The following NLGN4X variants were observed in gnomAD, a reference collection of about 807,000 sequenced individuals.
The protein encoded by NLGN4X is neuroligin 4 X-linked.
In NLGN4X, 3 loss-of-function variants were observed where a neutral mutation model predicts 40.3. The ratio of observed to expected loss-of-function variants is 0.07; its 90% CI spans 0.03 to 0.19. The LOEUF is 0.19. Among genes scored for constraint, NLGN4X ranks in the 10% least tolerant of loss-of-function variants. The pLI is 1.00. For missense variants in NLGN4X, 382 were observed against 708.3 expected (o/e 0.54, Z 5.23); for synonymous variants, 270 against 306.8 (o/e 0.88, Z 1.25).
chrX:5,948,673 G>A (rs2034211443), intron 3 of NLGN4X, among the ~76,000 whole-genome samples: 1 of 111,906 alleles, frequency 8.9e-6, no homozygotes, highest in Non-Finnish European at 1.9e-5. Flanking sequence ...CCAACACCAT[G>A]TACTTTAGGT....
chrX:6,072,756 C>A (rs1224196992), intron 2 of NLGN4X, among the ~76,000 whole-genome samples: 2 of 111,282 alleles, frequency 1.8e-5, no homozygotes, highest in Non-Finnish European at 3.8e-5. Context: ...CCTTGATGAA[C>A]ATTAATGCCT....
intron 5 of NLGN4X, among the ~76,000 whole-genome samples, chrX:5,896,465 GT>G (rs2031498895): frequency 8.9e-6 from 1 of 111,815 alleles, no homozygotes; most frequent in Admixed American, 9.5e-5. Flanking sequence ...CCTAAGAAGT[GT>G]TTAAACTCCT....
At chrX:5,990,997 T>TTTA (rs375887376) in intron 3 of NLGN4X, among the ~76,000 whole-genome samples, 7,824 of 111,460 alleles carry the variant, frequency 0.07, 691 homozygotes, top group African/African-American at 0.24. Context: ...ATGCACACCT[T>TTTA]TTATTTTGAA....
chrX:6,023,635 A>G (rs1479299668), intron 3 of NLGN4X, among the ~76,000 whole-genome samples: 1 of 112,012 alleles, frequency 8.9e-6, no homozygotes, highest in Non-Finnish European at 1.9e-5. Context: ...GGTAGGACAT[A>G]AGGTTAACTC....
intron 1 of NLGN4X, among the ~76,000 whole-genome samples, chrX:6,212,049 C>T (rs1924653450): frequency 9.1e-6 from 1 of 110,443 alleles, no homozygotes; most frequent in Non-Finnish European, 1.9e-5. Flanking sequence ...AGTTCGAGAC[C>T]AGCCTGGCTA....
intron 3 of NLGN4X, among the ~76,000 whole-genome samples, chrX:5,951,216 A>G (rs2034298998): frequency 8.9e-6 from 1 of 112,111 alleles, no homozygotes; most frequent in Non-Finnish European, 1.9e-5. Context: ...TCCATAAAAT[A>G]AGAACTTTCT....
chrX:5,994,221 T>G (rs1268891927), intron 3 of NLGN4X, among the ~76,000 whole-genome samples: 1 of 112,140 alleles, frequency 8.9e-6, no homozygotes, highest in Non-Finnish European at 1.9e-5. Context: ...CTATGCTTTA[T>G]GCACGTTAGT....
intron 2 of NLGN4X, among the ~76,000 whole-genome samples, chrX:6,134,293 C>T (rs181432819): frequency 8.9e-6 from 1 of 111,899 alleles, no homozygotes; most frequent in Non-Finnish European, 1.9e-5. Flanking sequence ...CTAAGAGAAT[C>T]GATATTAATG....
chrX:6,083,560 G>A (rs1434283525), intron 2 of NLGN4X, among the ~76,000 whole-genome samples: 1 of 112,149 alleles, frequency 8.9e-6, no homozygotes, highest in Non-Finnish European at 1.9e-5. Context: ...AGGCAGAAGA[G>A]TAATGGACTG....
At chrX:5,922,200 G>A (rs1365452568) in intron 3 of NLGN4X, among the ~76,000 whole-genome samples, 3 of 111,146 alleles carry the variant, frequency 2.7e-5, no homozygotes, top group Non-Finnish European at 5.7e-5. Context: ...TGTTCCTTTT[G>A]CTTTGTGTGT....
At position 6,106,905 on chromosome X, in the gene NLGN4X, T is replaced by C. The variant is rs867560502; in HGVS notation, c.472+44090A>G. Among the ~76,000 whole-genome samples the C allele has an allele frequency of 1.6e-4, 18 of 112,454 alleles. No individual in the cohort carries two copies. The Middle Eastern group carries it at 0.014, about 86-fold the overall frequency. On this transcript the variant is annotated intron_variant, in intron 2 of 5. Coordinates refer to ENST00000381095, the MANE Select transcript of NLGN4X (RefSeq NM_181332.3). ...CCCTACAAGTGGAAGGCTAGAATGA[T>C]AGGACAAAGAACTGCCTGTGCCTCT...
intron 2 of NLGN4X, among the ~76,000 whole-genome samples, chrX:6,080,987 TA>T (rs574216935): frequency 4.8e-4 from 49 of 103,020 alleles, no homozygotes; most frequent in Admixed American, 1.6e-3. Flanking sequence ...GCACACTAAT[TA>T]AAAAAAAAAA....
chrX:5,988,087 G>T (rs141712522), intron 3 of NLGN4X, among the ~76,000 whole-genome samples: 1 of 111,495 alleles, frequency 9.0e-6, no homozygotes, highest in Non-Finnish European at 1.9e-5. Context: ...TTTTTAAAAA[G>T]GAGGGGTACT....
intron 3 of NLGN4X, among the ~76,000 whole-genome samples, chrX:6,010,675 T>C (rs1451666367): frequency 1.8e-5 from 2 of 109,142 alleles, no homozygotes; most frequent in African/African-American, 6.7e-5. Context: ...ATTACATGTT[T>C]GTGAGACCAT....
rs2035375054 is a variant in NLGN4X, at chrX:5,981,119, G to C, written c.625+48161C>G. 1.8e-5 allele frequency among the ~76,000 whole-genome samples: 2 copies of C among 110,677 alleles called. 1 individual carries two copies. The highest frequency in any genetic ancestry group is 7.8e-4 in the South Asian group (2 of 2,565). On this transcript the variant is annotated intron_variant, in intron 3 of 5. Coordinates refer to ENST00000381095, the MANE Select transcript of NLGN4X (RefSeq NM_181332.3). ...GACAGAGTATAGTTTTCAGTGCATA[G>C]ACTTTGTCAGATTTACTACTCTATA...
chrX:6,119,480 T>C (rs1199085258), intron 2 of NLGN4X, among the ~76,000 whole-genome samples: 1 of 111,649 alleles, frequency 9.0e-6, no homozygotes, highest in Non-Finnish European at 1.9e-5. Flanking sequence ...ACTAGAAAGA[T>C]TCTGAGGAAA....
chrX:5,993,365 G>A (rs1440535872), intron 3 of NLGN4X, among the ~76,000 whole-genome samples: 1 of 111,474 alleles, frequency 9.0e-6, no homozygotes. Context: ...ACTTAGAGCA[G>A]GGTTTATTAA....
chrX:5,992,511 G>T (rs1440040875), intron 3 of NLGN4X, among the ~76,000 whole-genome samples: 1 of 111,509 alleles, frequency 9.0e-6, no homozygotes, highest in Non-Finnish European at 1.9e-5. Context: ...TGAGGTGGGA[G>T]GGTGGCTTGA....
chrX:5,922,588 C>T (rs981709541), intron 3 of NLGN4X, among the ~76,000 whole-genome samples: 8 of 111,609 alleles, frequency 7.2e-5, no homozygotes, highest in African/African-American at 2.0e-4. Context: ...GAAGGCAGGG[C>T]GCAGTGGCTC....
Sources: gnomAD v4.1 joint callset for allele counts (sites outside exome capture counted in the v4.1 genomes callset) on GRCh38, gnomAD v4.1.1 for gene constraint, MANE v1.5 for transcripts, NCBI Gene and HGNC (gene_info 2026-07-23, HGNC 2026-07-21) for gene names.